The following KIF7 variants were observed in gnomAD, a reference collection of about 807,000 sequenced individuals.
KIF7 encodes the protein kinesin-like protein KIF7.
In KIF7, 104 loss-of-function variants were observed where a neutral mutation model predicts 135.7. That is an observed-to-expected ratio of 0.77 (90% CI 0.65 to 0.90). The LOEUF is 0.90. KIF7 is among the 40% of genes least tolerant of loss of function. The pLI is 0.00. For missense variants in KIF7, 2,005 were observed against 1,839.1 expected, an observed-to-expected ratio of 1.09 and a Z score of -1.65; for synonymous variants, 883 against 809.4, an observed-to-expected ratio of 1.09 and a Z score of -1.54.
chr15:89,645,783 C>T (rs1382318524), intron 8 of KIF7, 110 bp downstream of exon 8: 2 of 1,436,518 alleles, frequency 1.4e-6, no homozygotes, highest in Admixed American at 4.1e-5. Context: ...ATCCTAGGAC[C>T]CAGAGGCTTC....
chr15:89,631,188 C>T (rs1427212183), intron 15 of KIF7: 3 of 403,090 alleles, frequency 7.4e-6, no homozygotes, highest in South Asian at 6.9e-5. Flanking sequence ...GCCTGACACT[C>T]CACACACGAA....
At chr15:89,642,168 AC>A in intron 11 of KIF7, 34 bp downstream of exon 11, 1 of 1,598,390 alleles carries the variant, frequency 6.3e-7, no homozygotes, top group Non-Finnish European at 8.5e-7. Context: ...GGCAGGAGTC[AC>A]CCCAGCACCC....
At chr15:89,635,835 A>G (rs1963795163) in intron 11 of KIF7, among the ~76,000 whole-genome samples, 1 of 152,176 alleles carries the variant, frequency 6.6e-6, no homozygotes, top group Non-Finnish European at 1.5e-5. Flanking sequence ...GAACGCCACA[A>G]AGATACTCCT....
chr15:89,644,912 G>A (rs1963983521), intron 10 of KIF7, 101 bp downstream of exon 10: 6 of 1,499,758 alleles, frequency 4.0e-6, no homozygotes, highest in Non-Finnish European at 4.6e-6. Context: ...TCCGGCCCCT[G>A]CTCCTAACCA....
In KIF7 at chr15:89,632,884, G is replaced by A. The variant is rs556953796; in HGVS notation, c.2831C>T (p.Ala944Val). The change falls in exon 14 of 19, where the codon GCC (alanine) becomes GTC (valine). Residue 944 changes from alanine (A) to valine (V), a missense_variant. Coordinates refer to ENST00000394412, the MANE Select transcript of KIF7 (RefSeq NM_198525.3). ...EELHKREAIL[A>V]KKEALMQEKT... is the part of the protein sequence containing the mutation. ...CTCCTGCATCAGGGCCTCCTTCTTG[G>A]CCAGGATGGCCTCCCGCTTGTGGAG... 4 of 1,610,196 alleles carry A rather than the reference G, an allele frequency of 2.5e-6. No homozygotes were observed. The highest frequency in any genetic ancestry group is 1.7e-5 in the Admixed American group (1 of 59,964).
chr15:89,626,108 T>A, downstream of KIF7: 2 of 1,597,522 alleles, frequency 1.3e-6, no homozygotes, highest in Non-Finnish European at 8.5e-7. Context: ...ACAGACTGTC[T>A]GAATTCACCA....
At chr15:89,626,919 T>A (rs777633667), downstream of KIF7, 18 of 1,604,594 alleles carry the variant, frequency 1.1e-5, no homozygotes, top group Non-Finnish European at 1.3e-5. Context: ...CGGTCCTCTG[T>A]GACTCCTGCA....
At chr15:89,640,309 T>A (rs557382426) in intron 11 of KIF7, among the ~76,000 whole-genome samples, 355 of 33,176 alleles carry the variant, frequency 0.011, 4 homozygotes, top group African/African-American at 0.014. Context: ...AAATTAAAAA[T>A]AATAATAATA....
chr15:89,645,197 C>G, intron 9 of KIF7, 32 bp from the exon 10 acceptor site: 1 of 1,605,702 alleles, frequency 6.2e-7, no homozygotes, highest in East Asian at 2.2e-5. Flanking sequence ...GGTTGCTGCC[C>G]CAACTGACAG....
In KIF7 at chr15:89,652,966, G is replaced by A. The variant is rs988268115; in HGVS notation, c.-24-12C>T. On this transcript the variant is annotated splice_polypyrimidine_tract_variant and intron_variant, in intron 1 of 18. Transcript: ENST00000394412. ...GACTGCTCTGGGCCCTGTGGAGAGAGAGAGAAGCCCTGGCCATCAGCACTT... is the reference window on the plus strand; with the variant it reads ...GACTGCTCTGGGCCCTGTGGAGAGAAAGAGAAGCCCTGGCCATCAGCACTT... 2 of 1,461,056 alleles carry A rather than the reference G, an allele frequency of 1.4e-6. No homozygotes were observed. The highest frequency in any genetic ancestry group is 2.3e-5 in the Admixed American group (1 of 43,760). The allele number at this position is 1,461,056 out of a possible 1,614,324, so 90.5% of individuals were successfully genotyped here.
At chr15:89,631,860 T>C in intron 14 of KIF7, 150 bp from the exon 15 acceptor site, 1 of 694,128 alleles carries the variant, frequency 1.4e-6, no homozygotes, top group Non-Finnish European at 2.4e-6. Context: ...CCAGACTTAG[T>C]TCACAGAGAC....
At chr15:89,656,359 C>CTT (rs112951627), upstream of KIF7, among the ~76,000 whole-genome samples, 7 of 142,682 alleles carry the variant, frequency 4.9e-5, no homozygotes, top group African/African-American at 7.7e-5. Context: ...CTTTTTAACT[C>CTT]TTTTTTTTTT....
rs372875329 is a variant in KIF7 at position 89,629,004 on chromosome 15, G to T, written c.3636C>A (p.Gly1212=). ...WINQELKQKL[G]GVNAVGHSRG... ...TGCTGTGGCCTACAGCGTTCACACC[G>T]CCGAGCTTCTGTTTCAGTTCCTGGT... Residue 1212 remains glycine (G), a synonymous_variant, in exon 18 of 19, where the codon GGC becomes GGA. Transcript: ENST00000394412. The T allele has an allele frequency of 6.2e-7, 1 of 1,613,718 alleles. No individual in the cohort carries two copies. Among genetic ancestry groups the T allele is most frequent in the Admixed American group, 1.7e-5 (1 of 59,970 alleles).
At chr15:89,626,983 C>T (rs774959794), downstream of KIF7, 28 of 1,614,052 alleles carry the variant, frequency 1.7e-5, no homozygotes, top group Non-Finnish European at 2.3e-5. Context: ...CTTCCCTCCA[C>T]TGTAGAAGAC....
intron 1 of KIF7, among the ~76,000 whole-genome samples, chr15:89,654,409 C>T (rs1254456747): frequency 6.6e-6 from 1 of 152,046 alleles, no homozygotes; most frequent in Non-Finnish European, 1.5e-5. Flanking sequence ...CCTTTCCTCG[C>T]CTCCTCTCTC....
At chr15:89,628,887 G>T (rs1415161144) in intron 18 of KIF7, 89 bp downstream of exon 18, 4 of 1,610,848 alleles carry the variant, frequency 2.5e-6, no homozygotes, top group African/African-American at 1.3e-5. Flanking sequence ...CCTGTGAATT[G>T]AGCCAATAAA....
At chr15:89,625,707 TAGTA>T, downstream of KIF7, 2 of 1,613,402 alleles carry the variant, frequency 1.2e-6, no homozygotes, top group Non-Finnish European at 1.7e-6. Flanking sequence ...ATTCAGAAGT[TAGTA>T]AGAGTAAAGA....
intron 17 of KIF7, 70 bp downstream of exon 17, chr15:89,629,305 A>C (rs2141993589): frequency 1.6e-6 from 1 of 631,386 alleles, no homozygotes; most frequent in Non-Finnish European, 1.9e-6. Flanking sequence ...AGGGGGGTGC[A>C]GGGCGGGGAA....
At chr15:89,621,655 G>C (rs996242474) in intron 1 of KIF7, 1 of 912,518 alleles carries the variant, frequency 1.1e-6, no homozygotes, top group African/African-American at 1.7e-5. Context: ...GTGACCTCTA[G>C]ATAATACTAG....
Sources: gnomAD v4.1 joint callset for allele counts (sites outside exome capture counted in the v4.1 genomes callset) on GRCh38, gnomAD v4.1.1 for gene constraint, MANE v1.5 for transcripts, NCBI Gene and HGNC (gene_info 2026-07-23, HGNC 2026-07-21) for gene names.